DRC11L: variants seen among roughly 807,000 people sequenced by gnomAD.
The protein encoded by DRC11L is dynein regulatory complex subunit like-11.
At chr7:151,193,313 A>G in the DRC11L span, 1 of 399,510 alleles carries the variant, frequency 2.5e-6, no homozygotes, top group Admixed American at 4.4e-5. Context: ...ATGCACCATC[A>G]TCTGTGCCCC....
the DRC11L span, chr7:151,194,267 A>T: frequency 2.5e-6 from 1 of 399,100 alleles, no homozygotes; most frequent in Non-Finnish European, 4.4e-6. Context: ...AAGCCGAAGG[A>T]CCGCATACAA....
At chr7:151,198,910 C>T in the DRC11L span, 2 of 399,166 alleles carry the variant, frequency 5.0e-6, no homozygotes, top group Non-Finnish European at 8.8e-6. Context: ...CGGAACTCCT[C>T]CTCTTTCTCC....
the DRC11L span, among the ~76,000 whole-genome samples, chr7:151,201,594 T>C: frequency 6.6e-6 from 1 of 152,226 alleles, no homozygotes; most frequent in African/African-American, 2.4e-5. This position sits in a 1 kb window ranked among gnomAD's most constrained non-coding sequence, Gnocchi z 4.1. Flanking sequence ...GAATCACTAT[T>C]GTTTGTTAGT....
chr7:151,196,074 G>C, the DRC11L span: 1 of 239,146 alleles, frequency 4.2e-6, no homozygotes, highest in Non-Finnish European at 8.1e-6. Context: ...TCACATGACT[G>C]AACACTCCTG....
chr7:151,205,403 C>T, the DRC11L span: 41 of 399,332 alleles, frequency 1.0e-4, no homozygotes, highest in African/African-American at 7.0e-4. Flanking sequence ...CTGCCCTTTG[C>T]TGTCTCTGCC....
chr7:151,205,329 A>T, the DRC11L span: 404 of 399,012 alleles, frequency 1.0e-3, no homozygotes, highest in Non-Finnish European at 1.6e-3. Flanking sequence ...CAGCAGCAGC[A>T]GCTGGGGTGG....
the DRC11L span, chr7:151,194,644 T>A: frequency 2.5e-6 from 1 of 399,182 alleles, no homozygotes; most frequent in Non-Finnish European, 4.4e-6. Context: ...ACAAGGGACA[T>A]TAGCAAGTGA....
At chr7:151,194,588 A>G in the DRC11L span, 3 of 399,408 alleles carry the variant, frequency 7.5e-6, no homozygotes, top group Non-Finnish European at 1.3e-5. Flanking sequence ...TCGTACAGAG[A>G]CTCCACAGAC....
the DRC11L span, chr7:151,191,219 G>T: frequency 2.5e-6 from 1 of 397,888 alleles, no homozygotes. Context: ...TTAGTGCTGG[G>T]GTTTCCCTTG....
the DRC11L span, chr7:151,195,799 C>A: frequency 7.6e-6 from 3 of 394,562 alleles, no homozygotes; most frequent in Non-Finnish European, 1.3e-5. Context: ...GTAGGGACAG[C>A]CCTGATGCCT....
chr7:151,197,119 C>A, the DRC11L span: 1 of 396,778 alleles, frequency 2.5e-6, no homozygotes, highest in Non-Finnish European at 4.4e-6. Context: ...TGGCCCTAAT[C>A]TTACCTGAAC....
chr7:151,197,484 C>T, the DRC11L span, among the ~76,000 whole-genome samples: 12 of 152,184 alleles, frequency 7.9e-5, no homozygotes, highest in East Asian at 9.6e-4. Context: ...CTGATGGGGT[C>T]GGGACAGCTG....
the DRC11L span, chr7:151,191,208 A>G: frequency 5.0e-6 from 2 of 398,080 alleles, no homozygotes; most frequent in Admixed American, 4.4e-5. Flanking sequence ...TGGGGGTCCT[A>G]TTAGTGCTGG....
At chr7:151,198,461 G>C in the DRC11L span, among the ~76,000 whole-genome samples, 56 of 152,270 alleles carry the variant, frequency 3.7e-4, no homozygotes, top group African/African-American at 1.3e-3. Context: ...TAAAGGACCA[G>C]GGTGACGGAG....
chr7:151,199,545 G>T, the DRC11L span, among the ~76,000 whole-genome samples: 14 of 152,220 alleles, frequency 9.2e-5, no homozygotes, highest in African/African-American at 3.4e-4. The surrounding 1 kb of genome is among the most constrained non-coding windows in gnomAD (Gnocchi z 5.2). Context: ...CGTCTCCTGG[G>T]GGTCCAGCCC....
chr7:151,203,369 T>G, the DRC11L span: 2 of 398,954 alleles, frequency 5.0e-6, no homozygotes, highest in South Asian at 1.3e-4. Flanking sequence ...TATGGAAGAG[T>G]CTGGGAGGGT....
At chr7:151,196,523 G>C in the DRC11L span, 19 of 399,666 alleles carry the variant, frequency 4.8e-5, no homozygotes, top group South Asian at 5.1e-4. Flanking sequence ...TCTGACTGGG[G>C]TGTATGCTCT....
the DRC11L span, chr7:151,205,443 C>T: frequency 4.3e-5 from 17 of 399,200 alleles, no homozygotes; most frequent in Admixed American, 1.8e-4. Flanking sequence ...CCCTCACTCA[C>T]CCCTCAGACA....
At chr7:151,191,087 C>G in the DRC11L span, 2 of 399,228 alleles carry the variant, frequency 5.0e-6, no homozygotes, top group African/African-American at 4.1e-5. Context: ...AAGTACCAGT[C>G]CTGGGTTGGT....
Sources: gnomAD v4.1 joint callset for allele counts (sites outside exome capture counted in the v4.1 genomes callset) on GRCh38, gnomAD v4.1.1 for gene constraint, Gnocchi (gnomAD v3.1) non-coding constraint, MANE v1.5 for transcripts, NCBI Gene and HGNC (gene_info 2026-07-23, HGNC 2026-07-21) for gene names.